Variants in ULK4 observed in about 807,000 individuals in gnomAD.
ULK4 encodes inactive serine/threonine-protein kinase ULK4.
Under a neutral mutation model 160.6 loss-of-function variants are expected in ULK4, and 133 were observed. The ratio of observed to expected loss-of-function variants is 0.83; its 90% CI spans 0.72 to 0.96. ULK4 has a LOEUF of 0.96. Ranked by LOEUF, ULK4 falls within the 40% of genes least tolerant of loss-of-function variation. The pLI is 0.00. For synonymous variants in ULK4, 534 were observed against 539.8 expected (o/e 0.99, Z 0.15); for missense variants, 1,580 against 1,499.5 (o/e 1.05, Z -0.89).
rs971017654 is a variant in ULK4 at position 41,668,264 on chromosome 3, G to A, written c.2979-4565C>T. 4.6e-5 allele frequency among the ~76,000 whole-genome samples: 7 copies of A among 152,258 alleles called. No individual in the cohort carries two copies. The East Asian group carries it at 1.4e-3, about 29-fold the overall frequency. Reference sequence around the variant, plus strand: ...ATCTTCCTACAATGAGGAAGATTCTGCTAAATGAAAGGCTAGACTACATTA... The same window carrying A: ...ATCTTCCTACAATGAGGAAGATTCTACTAAATGAAAGGCTAGACTACATTA... On this transcript the variant is annotated intron_variant, in intron 29 of 36. Transcript: ENST00000301831.
intron 32 of ULK4, among the ~76,000 whole-genome samples, chr3:41,553,690 T>C (rs2087166539): frequency 6.6e-6 from 1 of 152,068 alleles, no homozygotes; most frequent in East Asian, 1.9e-4. Context: ...GACTGCTTTT[T>C]TGTGTGTGAA....
chr3:41,548,342 A>C (rs1389673137), intron 32 of ULK4, among the ~76,000 whole-genome samples: 1 of 151,930 alleles, frequency 6.6e-6, no homozygotes, highest in South Asian at 2.1e-4. Context: ...CCCAATCCCC[A>C]GTGCCCGTAC....
At chr3:41,524,315 G>T (rs556432079) in intron 32 of ULK4, among the ~76,000 whole-genome samples, 2 of 152,290 alleles carry the variant, frequency 1.3e-5, no homozygotes, top group South Asian at 4.1e-4. Context: ...GTATGGTAGT[G>T]AAAGTACAGA....
chr3:41,505,246 A>G (rs2085337002), intron 32 of ULK4, among the ~76,000 whole-genome samples: 1 of 152,208 alleles, frequency 6.6e-6, no homozygotes, highest in South Asian at 2.1e-4. Context: ...CTCAAAAGCA[A>G]GAACATTGCG....
intron 22 of ULK4, among the ~76,000 whole-genome samples, chr3:41,731,787 A>G (rs1323772035): frequency 6.6e-6 from 1 of 152,114 alleles, no homozygotes; most frequent in Non-Finnish European, 1.5e-5. Flanking sequence ...AAACAGACAC[A>G]CAGACCAATG....
At position 41,411,304 on chromosome 3, in the gene ULK4, G is replaced by C. The variant is rs184775167; in HGVS notation, c.3493-13040C>G. 2.7e-3 allele frequency among the ~76,000 whole-genome samples: 416 copies of C among 151,996 alleles called. 1 individual carries two copies. Among genetic ancestry groups the C allele is most frequent in the Middle Eastern group, 3.4e-3 (1 of 294 alleles). Reference sequence around the variant, plus strand: ...AGCATTAACATCAACACATACCTTTGGTCTGATAAGAAACATTTACAATCT... The same window carrying C: ...AGCATTAACATCAACACATACCTTTCGTCTGATAAGAAACATTTACAATCT... On this transcript the variant is annotated intron_variant, in intron 34 of 36. Coordinates refer to ENST00000301831, the MANE Select transcript of ULK4 (RefSeq NM_017886.4).
At chr3:41,396,061 A>AT (rs2082053391) in intron 35 of ULK4, among the ~76,000 whole-genome samples, 2 of 152,144 alleles carry the variant, frequency 1.3e-5, no homozygotes, top group Admixed American at 6.5e-5. Context: ...AACATAACTT[A>AT]TTTCCATAAT....
intron 29 of ULK4, among the ~76,000 whole-genome samples, chr3:41,670,211 C>T (rs1324478056): frequency 6.6e-6 from 1 of 152,146 alleles, no homozygotes; most frequent in South Asian, 2.1e-4. Context: ...AGCAAGGACA[C>T]TGAGGTAAAA....
At chr3:41,684,973 G>A (rs2036050513) in intron 27 of ULK4, among the ~76,000 whole-genome samples, 1 of 152,210 alleles carries the variant, frequency 6.6e-6, no homozygotes, top group African/African-American at 2.4e-5. Flanking sequence ...TTTCCTTCTG[G>A]GAAGACCAAT....
intron 25 of ULK4, among the ~76,000 whole-genome samples, chr3:41,706,710 C>G (rs1436075806): frequency 6.6e-6 from 1 of 151,166 alleles, no homozygotes; most frequent in African/African-American, 2.4e-5. Context: ...CGCCTGTAAT[C>G]CCAGCTACTC....
At position 41,918,552 on chromosome 3, in the gene ULK4, T is replaced by C; in HGVS notation, c.644-12A>G. On this transcript the variant is annotated splice_polypyrimidine_tract_variant and intron_variant, in intron 6 of 36. Coordinates refer to ENST00000301831, the MANE Select transcript of ULK4 (RefSeq NM_017886.4). ...GAATGGAGGTTTTCCTGAAATCACA[T>C]GAAAACTTGCAAAATGAAAGAAGTC... 6.9e-7 allele frequency: 1 copy of C among 1,458,412 alleles called. No individual in the cohort carries two copies. Among genetic ancestry groups the C allele is most frequent in the Non-Finnish European group, 9.3e-7 (1 of 1,075,320 alleles). The allele number at this position is 1,458,412 out of a possible 1,614,324, so 90.3% of individuals were successfully genotyped here.
intron 25 of ULK4, 115 bp downstream of exon 25, chr3:41,715,122 G>C (rs577837175): frequency 1.9e-6 from 2 of 1,074,696 alleles, no homozygotes; most frequent in Non-Finnish European, 2.8e-6. Context: ...CACTTCCCTA[G>C]AGACAAATAA....
chr3:41,789,231 G>T (rs1292570287), intron 21 of ULK4, among the ~76,000 whole-genome samples: 1 of 152,126 alleles, frequency 6.6e-6, no homozygotes, highest in Non-Finnish European at 1.5e-5. Context: ...AAAACAGAAT[G>T]GGGGCTCTAT....
rs201494772 is a variant in ULK4, at chr3:41,496,677, A to G, written c.3227-33424T>C. On this transcript the variant is annotated intron_variant, in intron 32 of 36. Transcript: ENST00000301831. The stretch of plus-strand genomic sequence containing the variant: ...GCTTTAAGATGAGACTCCAGGAAGC[A>G]TGATCGAGAACAGCCACCTGCAAGC... Among the ~76,000 whole-genome samples the G allele has an allele frequency of 2.0e-5, 3 of 152,280 alleles. No individual in the cohort carries two copies. In the East Asian group the frequency reaches 5.8e-4, roughly 29 times the overall value.
At chr3:41,924,413 G>A (rs573024859) in intron 5 of ULK4, among the ~76,000 whole-genome samples, 2 of 152,274 alleles carry the variant, frequency 1.3e-5, no homozygotes, top group African/African-American at 2.4e-5. Flanking sequence ...TTACGAAAGC[G>A]TCCTCTCCCC....
At chr3:41,563,328 T>C (rs2087669065) in intron 32 of ULK4, among the ~76,000 whole-genome samples, 1 of 152,158 alleles carries the variant, frequency 6.6e-6, no homozygotes, top group Non-Finnish European at 1.5e-5. Flanking sequence ...ATCTGACAAT[T>C]ATGTGTCTTG....
intron 35 of ULK4, among the ~76,000 whole-genome samples, chr3:41,343,845 CA>C (rs2080741752): frequency 6.6e-6 from 1 of 152,034 alleles, no homozygotes. Context: ...TCAAATAAAT[CA>C]AAGAGAACAT....
intron 21 of ULK4, among the ~76,000 whole-genome samples, chr3:41,769,574 G>A (rs1366063707): frequency 2.0e-5 from 3 of 152,150 alleles, no homozygotes; most frequent in South Asian, 2.1e-4. Context: ...GCACAACAAG[G>A]TTATGTCCAG....
intron 35 of ULK4, among the ~76,000 whole-genome samples, chr3:41,353,149 G>C (rs2080945600): frequency 6.6e-6 from 1 of 152,148 alleles, no homozygotes. Context: ...GAAATGTTAA[G>C]CTTTGGTACC....
Sources: gnomAD v4.1 joint callset for allele counts (sites outside exome capture counted in the v4.1 genomes callset) on GRCh38, gnomAD v4.1.1 for gene constraint, MANE v1.5 for transcripts, NCBI Gene and HGNC (gene_info 2026-07-23, HGNC 2026-07-21) for gene names.